The following SLX4 variants were observed in gnomAD, a reference collection of about 807,000 sequenced individuals.
SLX4 encodes the protein structure-specific endonuclease subunit SLX4.
SLX4 carries 112 observed loss-of-function variants against 146.2 expected under a neutral mutation model. The observed-to-expected ratio is 0.77, with a 90% CI of 0.66 to 0.90. The LOEUF is 0.90. SLX4 is among the 40% of genes least tolerant of loss of function. The pLI, the probability that SLX4 is intolerant of heterozygous loss-of-function variation, is 0.00. For missense variants in SLX4, 2,563 were observed against 2,392.7 expected, an observed-to-expected ratio of 1.07 and a Z score of -1.49; for synonymous variants, 1,061 against 997.7, an observed-to-expected ratio of 1.06 and a Z score of -1.20.
intron 12 of SLX4, among the ~76,000 whole-genome samples, chr16:3,587,248 G>A (rs1480430562): frequency 1.3e-5 from 2 of 152,208 alleles, no homozygotes; most frequent in Non-Finnish European, 2.9e-5. Flanking sequence ...TGTAATCCCA[G>A]CACTTTGGGA....
chr16:3,598,671 C>T (rs530657162), intron 5 of SLX4, among the ~76,000 whole-genome samples: 24 of 152,314 alleles, frequency 1.6e-4, no homozygotes, highest in Admixed American at 5.2e-4. Context: ...TAGCACAAAC[C>T]GGGCCCACCT....
At chr16:3,592,632 AC>A in intron 11 of SLX4, 66 bp downstream of exon 11, 1 of 1,551,306 alleles carries the variant, frequency 6.4e-7, no homozygotes, top group South Asian at 1.2e-5. Flanking sequence ...CTGCAGCACA[AC>A]CCTCCAGAGC....
chr16:3,589,234 G>T lies in SLX4; in HGVS notation c.4404C>A (p.Arg1468=), dbSNP rs766956534. ...GGGTGGTGTCCAGGAGTCCCGGGGAGCGACAGTCACGGCTGTCGGCGGCCT... is the reference window on the plus strand; with the variant it reads ...GGGTGGTGTCCAGGAGTCCCGGGGATCGACAGTCACGGCTGTCGGCGGCCT... ...MNEAADSRDC[R]SPGLLDTTPI... Residue 1468 remains arginine (R), a synonymous_variant, in exon 12 of 15, where the codon CGC becomes CGA. Coordinates refer to ENST00000294008, the MANE Select transcript of SLX4 (RefSeq NM_032444.4). The surrounding 1 kb of genome is among the most constrained non-coding windows in gnomAD (Gnocchi z 6.2). 2 of 1,609,576 alleles carry T rather than the reference G, an allele frequency of 1.2e-6. No homozygotes were observed. Among genetic ancestry groups the T allele is most frequent in the African/African-American group, 2.7e-5 (2 of 74,798 alleles).
rs373726275 is a variant in SLX4, at chr16:3,594,435, G to A, written c.2160+18C>T. The A allele has an allele frequency of 1.3e-4, 214 of 1,607,572 alleles. No homozygotes were observed. The highest frequency in any genetic ancestry group is 1.3e-3 in the African/African-American group (98 of 74,860). On this transcript the variant is annotated intron_variant, in intron 10 of 14. Coordinates refer to ENST00000294008, the MANE Select transcript of SLX4 (RefSeq NM_032444.4). ...GGAGAGAGAGGAAAGGAGGGCACACGGCAGCCCACGTACTTACATACTGGA... is the reference window on the plus strand; with the variant it reads ...GGAGAGAGAGGAAAGGAGGGCACACAGCAGCCCACGTACTTACATACTGGA...
intron 10 of SLX4, 101 bp downstream of exon 10, chr16:3,594,352 G>T (rs912239307): frequency 2.3e-5 from 35 of 1,491,404 alleles, no homozygotes; most frequent in Non-Finnish European, 3.1e-5. Flanking sequence ...GAGTGGGGGG[G>T]TGGAAAGGGC....
chr16:3,597,762 G>T lies in SLX4; in HGVS notation c.1366+35C>A. 6 of 1,613,958 alleles carry T rather than the reference G, an allele frequency of 3.7e-6. No homozygotes were observed. Among genetic ancestry groups the T allele is most frequent in the Non-Finnish European group, 5.1e-6 (6 of 1,179,896 alleles). ...TCCACTCACCCGGGACCTGCTGATGGCCTCTCCCAGGGTCACTCTTCTGAT... is the reference window on the plus strand; with the variant it reads ...TCCACTCACCCGGGACCTGCTGATGTCCTCTCCCAGGGTCACTCTTCTGAT... On this transcript the variant is annotated intron_variant, in intron 6 of 14. Coordinates refer to ENST00000294008, the MANE Select transcript of SLX4 (RefSeq NM_032444.4). This position sits in a 1 kb window ranked among gnomAD's most constrained non-coding sequence, Gnocchi z 4.4.
chr16:3,593,622 T>A (rs1370353727), intron 10 of SLX4, among the ~76,000 whole-genome samples: 20 of 152,192 alleles, frequency 1.3e-4, no homozygotes. Context: ...TCCTCTTTTG[T>A]CAAATCGTAT....
At chr16:3,608,336 G>T in intron 2 of SLX4, 94 bp downstream of exon 2, 2 of 1,302,124 alleles carry the variant, frequency 1.5e-6, no homozygotes, top group South Asian at 1.2e-5. Flanking sequence ...GAGTAGTTGT[G>T]ACAGAGTCTG....
At chr16:3,592,547 C>T in intron 11 of SLX4, 152 bp downstream of exon 11, 3 of 955,194 alleles carry the variant, frequency 3.1e-6, no homozygotes, top group Non-Finnish European at 4.8e-6. Flanking sequence ...TCCACAGGGT[C>T]ATCACTGGTC....
intron 12 of SLX4, among the ~76,000 whole-genome samples, chr16:3,585,173 A>C (rs1311375332): frequency 6.6e-6 from 1 of 152,168 alleles, no homozygotes; most frequent in African/African-American, 2.4e-5. Flanking sequence ...TAAACTTAAA[A>C]ATATCTGACC....
chr16:3,610,572 C>A (rs1164441968), intron 1 of SLX4, among the ~76,000 whole-genome samples: 1 of 152,202 alleles, frequency 6.6e-6, no homozygotes, highest in East Asian at 1.9e-4. Context: ...GAATGAGGAA[C>A]TGGCCTAAAG....
intron 5 of SLX4, among the ~76,000 whole-genome samples, chr16:3,600,351 G>T (rs575099187): frequency 6.6e-6 from 1 of 152,250 alleles, no homozygotes; most frequent in Admixed American, 6.5e-5. Flanking sequence ...TGGGGGGTTG[G>T]GGACCCCTGC....
Position 3,582,329 on chromosome 16 carries a change from CG to C in SLX4, c.*12del. 6.2e-7 allele frequency: 1 copy of C among 1,605,514 alleles called. No individual in the cohort carries two copies. Among genetic ancestry groups the C allele is most frequent in the Non-Finnish European group, 8.5e-7 (1 of 1,177,928 alleles). Reference sequence around the variant, plus strand: ...TGCTGATGGCAGGTTGGGGTGGGGTCGGGATGGCCCCATCAGTTCCGCTCCA... The same window carrying C: ...TGCTGATGGCAGGTTGGGGTGGGGTCGGATGGCCCCATCAGTTCCGCTCCA... On this transcript the variant is annotated 3_prime_UTR_variant, in exon 15 of 15. Coordinates refer to ENST00000294008, the MANE Select transcript of SLX4 (RefSeq NM_032444.4).
chr16:3,609,605 T>G (rs1378012621), intron 1 of SLX4, 39 bp from the exon 2 acceptor site: 1 of 152,892 alleles, frequency 6.5e-6, no homozygotes, highest in Non-Finnish European at 1.5e-5. Flanking sequence ...AATCAGACAT[T>G]GTCATTTTAT....
At chr16:3,588,274 A>G (rs1430244001) in intron 12 of SLX4, among the ~76,000 whole-genome samples, 1 of 152,092 alleles carries the variant, frequency 6.6e-6, no homozygotes, top group Non-Finnish European at 1.5e-5. Flanking sequence ...ACTAACCTGC[A>G]TTTTCTCTGG....
intron 9 of SLX4, among the ~76,000 whole-genome samples, chr16:3,595,199 C>T (rs1315303260): frequency 1.3e-5 from 2 of 152,204 alleles, no homozygotes; most frequent in East Asian, 1.9e-4. Flanking sequence ...GCCCAGGACC[C>T]GCACAGAGGG....
intron 12 of SLX4, among the ~76,000 whole-genome samples, chr16:3,585,147 C>T (rs368884537): frequency 6.6e-6 from 1 of 152,256 alleles, no homozygotes; most frequent in East Asian, 1.9e-4. Context: ...CGGCACGTGA[C>T]TAAAACTTAT....
At position 3,590,476 on chromosome 16, in the gene SLX4, C is replaced by T. The variant is rs76488917; in HGVS notation, c.3162G>A (p.Ser1054=). The part of the protein sequence containing the change: ...SPRGSHHTSG[S]SLSTPRSRGG... ...CACGGGACCGGGGTGTTGACAGGGACGACCCACTTGTGTGATGAGACCCGC... is the reference window on the plus strand; with the variant it reads ...CACGGGACCGGGGTGTTGACAGGGATGACCCACTTGTGTGATGAGACCCGC... Residue 1054 remains serine (S), a synonymous_variant, in exon 12 of 15, where the codon TCG becomes TCA. Transcript: ENST00000294008. The surrounding 1 kb of genome is among the most constrained non-coding windows in gnomAD (Gnocchi z 4.8). 38,475 of 1,614,034 alleles carry T rather than the reference C, an allele frequency of 0.024. 1,255 individuals carry two copies. The highest frequency in any genetic ancestry group is 0.12 in the South Asian group (10,543 of 91,084).
At chr16:3,587,411 C>T (rs1189312977) in intron 12 of SLX4, among the ~76,000 whole-genome samples, 7 of 151,818 alleles carry the variant, frequency 4.6e-5, no homozygotes, top group Non-Finnish European at 1.0e-4. Flanking sequence ...CAGGAGAATC[C>T]CTTGAACCCG....
Sources: allele counts gnomAD v4.1 joint callset (sites outside exome capture counted in the v4.1 genomes callset), GRCh38; gene constraint gnomAD v4.1.1; non-coding constraint Gnocchi (gnomAD v3.1); transcripts MANE v1.5; gene names NCBI Gene and HGNC (gene_info 2026-07-23, HGNC 2026-07-21).